The following SYT7 variants were observed in gnomAD, a reference collection of about 807,000 sequenced individuals.
The protein encoded by SYT7 is synaptotagmin 7.
A neutral mutation model predicts 75.1 loss-of-function variants in SYT7; 29 were observed. That is an observed-to-expected ratio of 0.39 (90% CI 0.29 to 0.53). The LOEUF (loss-of-function observed/expected upper bound fraction) is 0.53. Ranked by LOEUF, SYT7 falls within the 20% of genes least tolerant of loss-of-function variation. The pLI, the probability that SYT7 is intolerant of heterozygous loss-of-function variation, is 0.77. For missense variants in SYT7, 693 were observed against 953.2 expected (o/e 0.73, Z 3.59); for synonymous variants, 376 against 401.7 (o/e 0.94, Z 0.76).
rs930923947 is a variant in SYT7, at chr11:61,546,583, C to T, written c.348-328G>A. ...TCCCCACCGCCTGGGGCAGGGGCGG[C>T]GGGGGTTGGGGGAGGGCAGCCACCT... On this transcript the variant is annotated intron_variant, in intron 4 of 12. Transcript: ENST00000539008. The surrounding 1 kb of genome is among the most constrained non-coding windows in gnomAD (Gnocchi z 7.6). 4 of 89,930 alleles carry T rather than the reference C, an allele frequency of 4.4e-5. No homozygotes were observed. The highest frequency in any genetic ancestry group is 9.2e-4 in the East Asian group (1 of 1,082). The allele number at this position is 89,930 out of a possible 1,614,324, so 5.6% of individuals were successfully genotyped here.
intron 3 of SYT7, 122 bp from the exon 4 acceptor site, chr11:61,547,430 G>A (rs553165070): frequency 3.4e-5 from 39 of 1,150,748 alleles, no homozygotes; most frequent in East Asian, 7.7e-5. Flanking sequence ...GCGGGGCTTC[G>A]TGGGTCAGCT....
chr11:61,559,808 C>T (rs906009337), intron 1 of SYT7, among the ~76,000 whole-genome samples: 1 of 152,312 alleles, frequency 6.6e-6, no homozygotes, highest in African/African-American at 2.4e-5. Flanking sequence ...CCAGTGGGCA[C>T]ACTCTGAAAG....
rs375140012 is a variant in SYT7, at chr11:61,518,711, G to C, written c.1977C>G (p.Ser659Arg). The part of the protein sequence containing the change: ...VIGKIYLSWK[S>R]GPGEVKHWKD... Reference sequence around the variant, plus strand: ...TCCAGTGCTTCACCTCCCCTGGCCCGCTCTTCCAGGACAGGTAGATCTGGG... The same window carrying C: ...TCCAGTGCTTCACCTCCCCTGGCCCCCTCTTCCAGGACAGGTAGATCTGGG... The change falls in exon 13 of 13, where the codon AGC (serine) becomes AGG (arginine). Residue 659 changes from serine to arginine, a missense_variant. This residue lies in a region of SYT7 where 206 missense variants were observed against 360.0 expected (regional missense o/e 0.57). Coordinates refer to ENST00000539008, the MANE Select transcript of SYT7 (RefSeq NM_001365809.2). 6.5e-7 allele frequency: 1 copy of C among 1,547,028 alleles called. No homozygotes were observed. The highest frequency in any genetic ancestry group is 1.4e-5 in the African/African-American group (1 of 72,884).
chr11:61,536,407 A>G (rs912959134), intron 7 of SYT7, among the ~76,000 whole-genome samples: 1 of 152,138 alleles, frequency 6.6e-6, no homozygotes, highest in Non-Finnish European at 1.5e-5. Context: ...CACCTTTCCC[A>G]GCACCAGTCT....
intron 6 of SYT7, chr11:61,541,104 G>A (rs770697744): frequency 2.5e-5 from 25 of 985,360 alleles, no homozygotes; most frequent in South Asian, 4.7e-5. Flanking sequence ...CCATCTGCCC[G>A]GGAAGCCCTG....
intron 1 of SYT7, among the ~76,000 whole-genome samples, chr11:61,561,139 G>C (rs2063626459): frequency 6.6e-6 from 1 of 152,188 alleles, no homozygotes; most frequent in Non-Finnish European, 1.5e-5. Context: ...ATTAACACTG[G>C]GGGAAAGAAA....
intron 8 of SYT7, among the ~76,000 whole-genome samples, chr11:61,528,418 T>C (rs1313911779): frequency 6.6e-6 from 1 of 152,064 alleles, no homozygotes; most frequent in East Asian, 1.9e-4. Context: ...CAGAGTGGTA[T>C]GCACGACACT....
chr11:61,551,853 G>A lies in SYT7; in HGVS notation c.136-390C>T, dbSNP rs1326027657. ...ACTGTCCACGTCACCGCCCCCAGAT[G>A]GTGGGGGTGGCATCCTGCAGGGCAA... On this transcript the variant is annotated intron_variant, in intron 2 of 12. Transcript: ENST00000539008. This position sits in a 1 kb window ranked among gnomAD's most constrained non-coding sequence, Gnocchi z 5.3. Among the ~76,000 whole-genome samples, 2 of 152,190 alleles carry A rather than the reference G, an allele frequency of 1.3e-5. No homozygotes were observed. The highest frequency in any genetic ancestry group is 2.9e-5 in the Non-Finnish European group (2 of 68,024).
rs949607092 is a variant in SYT7, at chr11:61,523,023, C to T, written c.1956+52G>A. On this transcript the variant is annotated intron_variant, in intron 12 of 12. Coordinates refer to ENST00000539008, the MANE Select transcript of SYT7 (RefSeq NM_001365809.2). This position sits in a 1 kb window ranked among gnomAD's most constrained non-coding sequence, Gnocchi z 5.0. ...TACCCCCGCTGCTTCTTTTAAGGAACGGAGCCTCACTGGTGCCAGCAGGTG... is the reference window on the plus strand; with the variant it reads ...TACCCCCGCTGCTTCTTTTAAGGAATGGAGCCTCACTGGTGCCAGCAGGTG... 18 of 1,595,290 alleles carry T rather than the reference C, an allele frequency of 1.1e-5. No individual in the cohort carries two copies. Among genetic ancestry groups the T allele is most frequent in the Middle Eastern group, 1.9e-4 (1 of 5,156 alleles).
Position 61,514,679 on chromosome 11 carries a change from C to T in SYT7, c.*3948G>A, listed in dbSNP as rs530467406. Among the ~76,000 whole-genome samples, 4 of 152,306 alleles carry T rather than the reference C, an allele frequency of 2.6e-5. No homozygotes were observed. Among genetic ancestry groups the T allele is most frequent in the African/African-American group, 9.6e-5 (4 of 41,562 alleles). On this transcript the variant is annotated 3_prime_UTR_variant, in exon 13 of 13. Transcript: ENST00000539008. The stretch of plus-strand genomic sequence containing the variant: ...GAAACAGGTGGAAGGAAAGAGCTTG[C>T]CCAGGGCCACAGAGGCTGCAGAAGG...
intron 7 of SYT7, among the ~76,000 whole-genome samples, chr11:61,537,554 G>A (rs984353058): frequency 3.3e-5 from 5 of 152,264 alleles, no homozygotes; most frequent in African/African-American, 1.2e-4. Context: ...GCACCGCTCC[G>A]GGCCCTCCCC....
In SYT7 at chr11:61,580,874, C is replaced by T. The variant is rs1157075855; in HGVS notation, c.-54G>A. On this transcript the variant is annotated 5_prime_UTR_variant, in exon 1 of 13. Transcript: ENST00000539008. The surrounding 1 kb of genome is among the most constrained non-coding windows in gnomAD (Gnocchi z 6.1). ...CTCCTCAGAGCCGCCCGCGGCCGCG[C>T]GCTGCTCCGCCGCCGCCGCTGGGCA... 26 of 1,165,422 alleles carry T rather than the reference C, an allele frequency of 2.2e-5. No homozygotes were observed. Among genetic ancestry groups the T allele is most frequent in the East Asian group, 8.0e-5 (2 of 25,150 alleles). The allele number at this position is 1,165,422 out of a possible 1,614,324, so 72.2% of individuals were successfully genotyped here.
rs371500958 is a variant in SYT7, at chr11:61,551,473, T to G, written c.136-10A>C. ...TCTTGTAGCGTTTGCCCTGTGGAGATAGCACTAGGATCACTCCTGGGGAAC... is the reference window on the plus strand; with the variant it reads ...TCTTGTAGCGTTTGCCCTGTGGAGAGAGCACTAGGATCACTCCTGGGGAAC... On this transcript the variant is annotated splice_polypyrimidine_tract_variant and intron_variant, in intron 2 of 12. Coordinates refer to ENST00000539008, the MANE Select transcript of SYT7 (RefSeq NM_001365809.2). The surrounding 1 kb of genome is among the most constrained non-coding windows in gnomAD (Gnocchi z 5.3). The G allele has an allele frequency of 6.2e-7, 1 of 1,613,422 alleles. No homozygotes were observed. The highest frequency in any genetic ancestry group is 1.1e-5 in the South Asian group (1 of 91,074).
At chr11:61,532,578 G>T (rs903269940) in intron 8 of SYT7, among the ~76,000 whole-genome samples, 1 of 152,138 alleles carries the variant, frequency 6.6e-6, no homozygotes, top group Non-Finnish European at 1.5e-5. Context: ...CAATTAAGGG[G>T]ACATCACTCT....
chr11:61,533,511 G>T (rs2062774363), intron 7 of SYT7: 1 of 985,304 alleles, frequency 1.0e-6, no homozygotes. Context: ...CTGGAAGGGG[G>T]AGGCTCCACC....
chr11:61,528,873 A>G (rs1175502530), intron 8 of SYT7, among the ~76,000 whole-genome samples: 1 of 152,014 alleles, frequency 6.6e-6, no homozygotes, highest in Non-Finnish European at 1.5e-5. Flanking sequence ...GCCTCAGATG[A>G]CTGTACCGTC....
chr11:61,574,106 G>C (rs1213100582), intron 1 of SYT7, among the ~76,000 whole-genome samples: 3 of 152,202 alleles, frequency 2.0e-5, no homozygotes. Context: ...TGTTCTCCTT[G>C]GAGGATCCAG....
chr11:61,545,676 TGCC>T (rs1285637865), intron 5 of SYT7, among the ~76,000 whole-genome samples: 1 of 152,202 alleles, frequency 6.6e-6, no homozygotes, highest in Non-Finnish European at 1.5e-5. Context: ...ACAGGCCTGC[TGCC>T]CATGGAGGGA....
Position 61,528,116 on chromosome 11 carries a change from A to T in SYT7, c.1270T>A (p.Phe424Ile), listed in dbSNP as rs1324709545. ...TCCTGGAAGTTGTAGCCGACACTGAACTGGATCCGGCCCAGGTTCTCTCGG... is the reference window on the plus strand; with the variant it reads ...TCCTGGAAGTTGTAGCCGACACTGATCTGGATCCGGCCCAGGTTCTCTCGG... ...CSRENLGRIQ[F>I]SVGYNFQEST... The change falls in exon 9 of 13, where the codon TTC becomes ATC. Residue 424 changes from phenylalanine to isoleucine, a missense_variant. By Grantham distance (21) the Phe-to-Ile change is conservative. Coordinates refer to ENST00000539008, the MANE Select transcript of SYT7 (RefSeq NM_001365809.2). The T allele has an allele frequency of 2.5e-6, 4 of 1,613,366 alleles. No individual in the cohort carries two copies. Among genetic ancestry groups the T allele is most frequent in the Non-Finnish European group, 3.4e-6 (4 of 1,179,968 alleles).
Sources: gnomAD v4.1 joint callset for allele counts (sites outside exome capture counted in the v4.1 genomes callset) on GRCh38, gnomAD v4.1.1 for gene constraint, gnomAD v4.1.1 regional missense constraint, Gnocchi (gnomAD v3.1) non-coding constraint, MANE v1.5 for transcripts, NCBI Gene and HGNC (gene_info 2026-07-23, HGNC 2026-07-21) for gene names.